Variants in GRIK4 observed in about 807,000 individuals in gnomAD.
The protein encoded by GRIK4 is glutamate receptor ionotropic, kainate 4.
A neutral mutation model predicts 104.9 loss-of-function variants in GRIK4; 40 were observed. The observed-to-expected ratio is 0.38, with a 90% CI of 0.30 to 0.50. GRIK4 has a LOEUF of 0.50. Ranked by LOEUF, GRIK4 falls within the 20% of genes least tolerant of loss-of-function variation. The pLI is 0.93. For missense variants in GRIK4, 1,047 were observed against 1,308.1 expected (o/e 0.80, Z 3.08); for synonymous variants, 485 against 524.9 (o/e 0.92, Z 1.04).
chr11:120,885,690 C>T (rs1386370094), intron 11 of GRIK4, among the ~76,000 whole-genome samples: 2 of 152,150 alleles, frequency 1.3e-5, no homozygotes, highest in African/African-American at 2.4e-5. Context: ...TGGCCAGCAA[C>T]AGAAATTCTT....
intron 3 of GRIK4, among the ~76,000 whole-genome samples, chr11:120,784,978 T>C (rs1426694411): frequency 2.6e-5 from 4 of 152,212 alleles, no homozygotes; most frequent in Non-Finnish European, 4.4e-5. Flanking sequence ...TGATCTGGGC[T>C]AGGTCTCCCC....
chr11:120,836,638 A>T (rs914460352), intron 7 of GRIK4, among the ~76,000 whole-genome samples, 153 bp from the exon 8 acceptor site: 3 of 152,222 alleles, frequency 2.0e-5, no homozygotes, highest in African/African-American at 7.2e-5. Context: ...TCTAAGATCA[A>T]GGGCAACATA....
intron 1 of GRIK4, chr11:120,620,314 T>C (rs972227031): frequency 1.2e-5 from 8 of 661,522 alleles, no homozygotes; most frequent in Non-Finnish European, 2.0e-5. Flanking sequence ...GGAACTTTAG[T>C]AGTTTCCCAG....
chr11:120,696,100 A>G (rs1950444842), intron 3 of GRIK4, among the ~76,000 whole-genome samples: 1 of 152,204 alleles, frequency 6.6e-6, no homozygotes, highest in Non-Finnish European at 1.5e-5. Flanking sequence ...GGACCCTGGG[A>G]GTGCCTCTGT....
intron 3 of GRIK4, among the ~76,000 whole-genome samples, chr11:120,797,799 C>G (rs2135504236): frequency 6.6e-6 from 1 of 152,310 alleles, no homozygotes; most frequent in South Asian, 2.1e-4. Context: ...ATGCTGTGGG[C>G]AGGGAAAGAG....
At chr11:120,724,842 C>T (rs1003669543) in intron 3 of GRIK4, among the ~76,000 whole-genome samples, 9 of 152,272 alleles carry the variant, frequency 5.9e-5, no homozygotes, top group African/African-American at 2.2e-4. Context: ...AATCATATCA[C>T]CCTCTTCACT....
chr11:120,736,213 G>A (rs996691659), intron 3 of GRIK4, among the ~76,000 whole-genome samples: 2 of 152,028 alleles, frequency 1.3e-5, no homozygotes, highest in Non-Finnish European at 2.9e-5. Flanking sequence ...GGGCCACGGT[G>A]TGTCTAGAAA....
chr11:120,813,430 AC>A (rs1046553048), intron 4 of GRIK4, among the ~76,000 whole-genome samples: 1 of 151,990 alleles, frequency 6.6e-6, no homozygotes, highest in Admixed American at 6.6e-5. Context: ...ACATGAGATA[AC>A]CCCCATGGAA....
intron 1 of GRIK4, among the ~76,000 whole-genome samples, chr11:120,556,879 C>G (rs12418018): frequency 6.6e-6 from 1 of 152,252 alleles, no homozygotes; most frequent in African/African-American, 2.4e-5. Flanking sequence ...CCTCTCATTC[C>G]TCCTCATTAG....
At chr11:120,777,346 A>T (rs1421016195) in intron 3 of GRIK4, among the ~76,000 whole-genome samples, 1 of 152,196 alleles carries the variant, frequency 6.6e-6, no homozygotes, top group Non-Finnish European at 1.5e-5. Flanking sequence ...CTATCTTACA[A>T]CTTGGTTTAG....
intron 1 of GRIK4, among the ~76,000 whole-genome samples, chr11:120,583,514 GT>G (rs1199981198): frequency 9.2e-5 from 14 of 152,064 alleles, no homozygotes; most frequent in Non-Finnish European, 1.6e-4. Flanking sequence ...TCCATCTTGA[GT>G]TGATTTTTGT....
chr11:120,802,955 T>G (rs995440164), intron 4 of GRIK4, 98 bp downstream of exon 4: 2 of 1,034,518 alleles, frequency 1.9e-6, no homozygotes, highest in South Asian at 3.0e-5. Flanking sequence ...CTCTGAGATA[T>G]CTGATGTCGA....
At chr11:120,693,976 A>C (rs1950404182) in intron 3 of GRIK4, among the ~76,000 whole-genome samples, 1 of 152,154 alleles carries the variant, frequency 6.6e-6, no homozygotes, top group Non-Finnish European at 1.5e-5. Context: ...CTGTCAGCCC[A>C]ATTGCCTTTC....
chr11:120,557,318 TG>T (rs1457839845), intron 1 of GRIK4, among the ~76,000 whole-genome samples: 3 of 152,062 alleles, frequency 2.0e-5, no homozygotes, highest in African/African-American at 7.2e-5. Flanking sequence ...TCCGCTGCCT[TG>T]GGGGAAGAAA....
chr11:120,978,170 T>A (rs1343198765), intron 19 of GRIK4, among the ~76,000 whole-genome samples: 1 of 152,146 alleles, frequency 6.6e-6, no homozygotes, highest in African/African-American at 2.4e-5. Context: ...GACCGTGAGG[T>A]TATAGAGTTG....
intron 1 of GRIK4, among the ~76,000 whole-genome samples, chr11:120,535,890 C>T (rs569846471): frequency 1.1e-4 from 16 of 152,332 alleles, no homozygotes; most frequent in African/African-American, 3.6e-4. Context: ...ATCACTGTAC[C>T]TTTTCCAGGG....
Position 120,939,436 on chromosome 11 carries a change from C to T in GRIK4, c.1477-911C>T, listed in dbSNP as rs184824333. 4.1e-4 allele frequency among the ~76,000 whole-genome samples: 62 copies of T among 152,248 alleles called. No homozygotes were observed. The East Asian group carries it at 4.5e-3, about 11-fold the overall frequency. On this transcript the variant is annotated intron_variant, in intron 13 of 20. Coordinates refer to ENST00000527524, the MANE Select transcript of GRIK4 (RefSeq NM_014619.5). This position sits in a 1 kb window ranked among gnomAD's most constrained non-coding sequence, Gnocchi z 5.6. ...GACATCTGAAGTTTCACCTGGACAG[C>T]GACATAAGTGGCCAGTGATCCAGGA... is the stretch of plus-strand genomic sequence containing the variant.
At chr11:120,898,719 G>C (rs1021291133) in intron 12 of GRIK4, 80 bp downstream of exon 12, 2 of 775,094 alleles carry the variant, frequency 2.6e-6, no homozygotes, top group African/African-American at 3.4e-5. Flanking sequence ...GCTGCCCCTT[G>C]AACAGAAGAT....
intron 1 of GRIK4, among the ~76,000 whole-genome samples, chr11:120,644,721 G>A (rs956393853): frequency 2.0e-5 from 3 of 152,290 alleles, no homozygotes; most frequent in Admixed American, 6.5e-5. Context: ...GGGAGAAGGC[G>A]AAGGGGTTGC....
Sources: gnomAD v4.1 joint callset for allele counts (sites outside exome capture counted in the v4.1 genomes callset) on GRCh38, gnomAD v4.1.1 for gene constraint, Gnocchi (gnomAD v3.1) non-coding constraint, MANE v1.5 for transcripts, NCBI Gene and HGNC (gene_info 2026-07-23, HGNC 2026-07-21) for gene names.